Variants in ABHD5 observed in about 807,000 individuals in gnomAD.
ABHD5 encodes the protein abhydrolase domain containing 5, lysophosphatidic acid acyltransferase.
Under a neutral mutation model 44.9 loss-of-function variants are expected in ABHD5, and 30 were observed. The observed-to-expected ratio is 0.67, with a 90% confidence interval of 0.50 to 0.91. The LOEUF is 0.91. Among genes scored for constraint, ABHD5 ranks in the 40% least tolerant of loss-of-function variants. The pLI, the probability that ABHD5 is intolerant of heterozygous loss-of-function variation, is 0.00. For synonymous variants in ABHD5, 167 were observed against 147.0 expected (o/e 1.14, Z -0.99); for missense variants, 399 against 423.4 (o/e 0.94, Z 0.50).
chr3:43,697,168 T>C (rs2084483854), intron 1 of ABHD5, among the ~76,000 whole-genome samples: 1 of 152,202 alleles, frequency 6.6e-6, no homozygotes. Context: ...ATGTAACTTT[T>C]TAAACACTGG....
chr3:43,730,820 G>T (rs987497149), intron 7 of ABHD5, among the ~76,000 whole-genome samples: 2 of 141,406 alleles, frequency 1.4e-5, no homozygotes, highest in Non-Finnish European at 3.1e-5. Flanking sequence ...CCATTTGTTT[G>T]TTTTTTTGTT....
In ABHD5 at chr3:43,733,325, T is replaced by C. The variant is rs146320689; in HGVS notation, c.*30-555T>C. Among the ~76,000 whole-genome samples, 105 of 152,328 alleles carry C rather than the reference T, an allele frequency of 6.9e-4. 1 individual carries two copies. Among genetic ancestry groups the C allele is most frequent in the African/African-American group, 2.5e-3 (102 of 41,574 alleles). ...AATCCTCATCCAGTCTCCCTATGGT[T>C]GACAAGGTGTCTTGCTCATAAGCGT... is the stretch of plus-strand genomic sequence containing the variant. On this transcript the variant is annotated intron_variant, in intron 7 of 7. Coordinates refer to the ABHD5 transcript ENST00000454293.
At chr3:43,704,038 T>C (rs111736148) in intron 3 of ABHD5, among the ~76,000 whole-genome samples, 3,019 of 132,204 alleles carry the variant, frequency 0.023, 125 homozygotes, top group African/African-American at 0.081. Context: ...ATTTTCTTTT[T>C]TTTTTTTTTT....
intron 3 of ABHD5, among the ~76,000 whole-genome samples, chr3:43,706,528 C>T (rs34053496): frequency 0.028 from 4,284 of 151,060 alleles, 114 homozygotes; most frequent in South Asian, 0.12. Context: ...AGTGCAGTGG[C>T]GCAATCATAG....
At chr3:43,723,132 G>T (rs369447795), downstream of ABHD5, among the ~76,000 whole-genome samples, 18 of 152,156 alleles carry the variant, frequency 1.2e-4, no homozygotes, top group East Asian at 5.8e-4. Flanking sequence ...TTAAATGTGA[G>T]CATCAGAAAG....
intron 3 of ABHD5, among the ~76,000 whole-genome samples, chr3:43,705,466 C>T (rs9850704): frequency 0.07 from 10,627 of 152,180 alleles, 1,197 homozygotes; most frequent in African/African-American, 0.24. Context: ...CACACACACA[C>T]GTATATACAT....
Position 43,714,937 on chromosome 3 carries a change from T to G in ABHD5, c.662-10T>G, listed in dbSNP as rs372889561. ...TAAAACATGCATTTTTTAAATTTCC[T>G]GTTAAATAGGTTTAAGTCTAGTGCA... On this transcript the variant is annotated splice_polypyrimidine_tract_variant and intron_variant, in intron 4 of 6. Transcript: ENST00000644371. 5.0e-6 allele frequency: 8 copies of G among 1,597,274 alleles called. No homozygotes were observed. Among genetic ancestry groups the G allele is most frequent in the Non-Finnish European group, 6.9e-6 (8 of 1,165,054 alleles).
At position 43,691,018 on chromosome 3, in the gene ABHD5, A is replaced by C; in HGVS notation, c.26A>C (p.Asp9Ala). Residue 9 changes from aspartate to alanine, a missense_variant, in exon 1 of 7, where the codon GAC becomes GCC. Coordinates refer to ENST00000644371, the MANE Select transcript of ABHD5 (RefSeq NM_016006.6). ...ATGGCGGCGGAGGAGGAGGAGGTGG[A>C]CTCTGCCGACACCGGAGAGAGGTAA... MAAEEEEV[D>A]SADTGERSGW... is the part of the protein sequence containing the mutation. The C allele has an allele frequency of 1.3e-6, 2 of 1,563,180 alleles. No individual in the cohort carries two copies. Among genetic ancestry groups the C allele is most frequent in the East Asian group, 2.6e-5 (1 of 38,890 alleles).
chr3:43,700,142 C>T, intron 2 of ABHD5, among the ~76,000 whole-genome samples: 1 of 152,122 alleles, frequency 6.6e-6, no homozygotes, highest in East Asian at 1.9e-4. Context: ...TCACTTTGCT[C>T]AGCTTCTCAT....
intron 1 of ABHD5, among the ~76,000 whole-genome samples, chr3:43,697,328 T>C (rs533989155): frequency 6.6e-6 from 1 of 152,336 alleles, no homozygotes; most frequent in East Asian, 1.9e-4. Context: ...TAGCTTATAC[T>C]TCATTTCACT....
At chr3:43,714,761 G>A (rs2084738837) in intron 4 of ABHD5, among the ~76,000 whole-genome samples, 186 bp from the exon 5 acceptor site, 1 of 151,916 alleles carries the variant, frequency 6.6e-6, no homozygotes, top group Admixed American at 6.6e-5. Flanking sequence ...ATTTCCTTGG[G>A]GAACTTTAGG....
rs1441539090 is a variant in ABHD5, at chr3:43,711,879, C to T, written c.661+16C>T. On this transcript the variant is annotated intron_variant, in intron 4 of 6. Coordinates refer to ENST00000644371, the MANE Select transcript of ABHD5 (RefSeq NM_016006.6). ...GGACCCTTTGGTGAGTGCTTATGTTCTAGGAAAGCAAAATGTTTGTAAGTT... is the reference window on the plus strand; with the variant it reads ...GGACCCTTTGGTGAGTGCTTATGTTTTAGGAAAGCAAAATGTTTGTAAGTT... The T allele has an allele frequency of 1.2e-6, 2 of 1,613,878 alleles. No homozygotes were observed. The highest frequency in any genetic ancestry group is 4.5e-5 in the East Asian group (2 of 44,894).
At chr3:43,709,309 A>G (rs954440987) in intron 3 of ABHD5, among the ~76,000 whole-genome samples, 1 of 152,034 alleles carries the variant, frequency 6.6e-6, no homozygotes, top group African/African-American at 2.4e-5. Flanking sequence ...AAAAAGAAAC[A>G]AAAAGATCAT....
intron 4 of ABHD5, among the ~76,000 whole-genome samples, chr3:43,713,322 C>CAAAA (rs78532050): frequency 8.5e-5 from 4 of 46,872 alleles, no homozygotes; most frequent in East Asian, 6.6e-4. Context: ...GACCCTGTCT[C>CAAAA]AAAAAAAAAA....
chr3:43,705,876 T>C (rs1257282020), intron 3 of ABHD5, among the ~76,000 whole-genome samples: 1 of 152,232 alleles, frequency 6.6e-6, no homozygotes, highest in East Asian at 1.9e-4. Context: ...TGTTAACTTT[T>C]TATTAAAAAG....
chr3:43,709,453 C>A (rs928342905), intron 3 of ABHD5, among the ~76,000 whole-genome samples: 1 of 152,310 alleles, frequency 6.6e-6, no homozygotes, highest in East Asian at 1.9e-4. Context: ...ACAGATGAGA[C>A]TTCTGTCAAG....
chr3:43,719,691 T>C lies in ABHD5; in HGVS notation c.*1159T>C, dbSNP rs1176814743. On this transcript the variant is annotated 3_prime_UTR_variant, in exon 7 of 7. Transcript: ENST00000644371. ...TCAAGTGTAGCATTTTCTTGCAGTT[T>C]TAAAATGAGGAAAACTTCTTTGAAA... The C allele has an allele frequency of 6.6e-6, 1 of 152,164 alleles. No individual in the cohort carries two copies. Among genetic ancestry groups the C allele is most frequent in the South Asian group, 2.1e-4 (1 of 4,830 alleles). 9.4% of individuals were successfully genotyped at this position (152,164 alleles called of 1,614,324 possible). A position where few individuals can be genotyped will look rare whatever the true frequency, so the allele number is the denominator to read the frequency against.
chr3:43,722,507 A>G lies in ABHD5; in HGVS notation c.*3975A>G, dbSNP rs1449530756. ...GATGGCAACTATTTCTGTATCTTAC[A>G]TACCTTTTATTTTGAGGCCCTGTCA... On this transcript the variant is annotated 3_prime_UTR_variant, in exon 7 of 7. Transcript: ENST00000644371. 1 of 152,228 alleles carries G rather than the reference A, an allele frequency of 6.6e-6. No homozygotes were observed. Among genetic ancestry groups the G allele is most frequent in the Non-Finnish European group, 1.5e-5 (1 of 68,046 alleles). The allele number at this position is 152,228 out of a possible 1,614,324, so 9.4% of individuals were successfully genotyped here. A position where few individuals can be genotyped will look rare whatever the true frequency, so the allele number is the denominator to read the frequency against.
Position 43,716,942 on chromosome 3 carries a change from G to A in ABHD5, c.774-729G>A, listed in dbSNP as rs551078584. On this transcript the variant is annotated intron_variant, in intron 5 of 6. Coordinates refer to ENST00000644371, the MANE Select transcript of ABHD5 (RefSeq NM_016006.6). ...AATCCCAGCACTTTGGGAGGCCGAG[G>A]CGGGCAGATCACAAGGTCAGGAGTT... 9.5e-4 allele frequency among the ~76,000 whole-genome samples: 145 copies of A among 152,300 alleles called. 1 individual carries two copies. The highest frequency in any genetic ancestry group is 3.4e-3 in the African/African-American group (142 of 41,562).
Sources: gnomAD v4.1 joint callset for allele counts (sites outside exome capture counted in the v4.1 genomes callset) on GRCh38, gnomAD v4.1.1 for gene constraint, MANE v1.5 for transcripts, NCBI Gene and HGNC (gene_info 2026-07-23, HGNC 2026-07-21) for gene names.